The following SMYD3 variants were observed in gnomAD, a reference collection of about 807,000 sequenced individuals.
The protein encoded by SMYD3 is histone-lysine N-methyltransferase SMYD3.
In SMYD3, 36 loss-of-function variants were observed where a neutral mutation model predicts 57.7. The observed-to-expected ratio is 0.62, with a 90% CI of 0.48 to 0.82. SMYD3 has a LOEUF of 0.82. Among genes scored for constraint, SMYD3 ranks in the 40% least tolerant of loss-of-function variants. The probability of loss-of-function intolerance (pLI) is 0.00; values close to 1 mark genes in which losing one functional copy is unlikely to be tolerated. For synonymous variants in SMYD3, 211 were observed against 195.0 expected (o/e 1.08, Z -0.68); for missense variants, 515 against 538.8 (o/e 0.96, Z 0.44).
chr1:246,418,856 C>A (rs116744657), intron 1 of SMYD3, among the ~76,000 whole-genome samples: 9 of 152,136 alleles, frequency 5.9e-5, no homozygotes, highest in African/African-American at 2.2e-4. Context: ...GGTAAGCCAT[C>A]ATATCCCCCG....
chr1:245,845,840 T>C (rs547866344), intron 10 of SMYD3, among the ~76,000 whole-genome samples: 75 of 152,362 alleles, frequency 4.9e-4, no homozygotes, highest in African/African-American at 1.6e-3. Flanking sequence ...CTGAGTGGAA[T>C]AGTACAGTGG....
intron 5 of SMYD3, among the ~76,000 whole-genome samples, chr1:246,295,159 AG>A (rs1558383792): frequency 1.3e-5 from 2 of 152,096 alleles, no homozygotes; most frequent in Non-Finnish European, 2.9e-5. Context: ...TTCTAATAGC[AG>A]CACCAGAACC....
intron 10 of SMYD3, among the ~76,000 whole-genome samples, chr1:245,850,232 C>G (rs766924673): frequency 2.6e-5 from 4 of 152,158 alleles, no homozygotes; most frequent in Non-Finnish European, 5.9e-5. Flanking sequence ...TCCTGGGGCT[C>G]TCAGAAATGC....
At chr1:245,853,700 T>G (rs921444277) in intron 10 of SMYD3, among the ~76,000 whole-genome samples, 3 of 144,534 alleles carry the variant, frequency 2.1e-5, no homozygotes, top group African/African-American at 7.6e-5. Context: ...TCAACCTATC[T>G]TCCAAACCTT....
At chr1:246,372,279 GC>G (rs2066205776) in intron 1 of SMYD3, among the ~76,000 whole-genome samples, 1 of 152,176 alleles carries the variant, frequency 6.6e-6, no homozygotes, top group African/African-American at 2.4e-5. Flanking sequence ...CATGTTGTAT[GC>G]CCAAGAGAAG....
intron 11 of SMYD3, among the ~76,000 whole-genome samples, chr1:245,763,591 A>G (rs578146538): frequency 6.6e-6 from 1 of 152,104 alleles, no homozygotes; most frequent in South Asian, 2.1e-4. Flanking sequence ...AAAGGAAGAG[A>G]GGAAGGGCGG....
intron 10 of SMYD3, among the ~76,000 whole-genome samples, chr1:245,857,405 T>G (rs1297262970): frequency 1.8e-5 from 1 of 56,402 alleles, no homozygotes. Flanking sequence ...TGTTCTTATG[T>G]TGACCCTGGG....
chr1:246,102,967 C>T (rs183504213), intron 5 of SMYD3, among the ~76,000 whole-genome samples: 8 of 152,246 alleles, frequency 5.3e-5, no homozygotes, highest in Non-Finnish European at 1.0e-4. Flanking sequence ...AATTTTGCTA[C>T]GGCTCCTGTG....
rs74163421 is a variant in SMYD3 at position 246,245,120 on chromosome 1, C to CTTTTTTTTTTTTT, written c.531+82068_531+82080dup. Among the ~76,000 whole-genome samples the CTTTTTTTTTTTTT allele has an allele frequency of 3.4e-3, 412 of 122,748 alleles. 8 individuals are homozygous for CTTTTTTTTTTTTT. Among genetic ancestry groups the CTTTTTTTTTTTTT allele is most frequent in the African/African-American group, 0.012 (382 of 32,432 alleles). 80.5% of individuals were successfully genotyped at this position (122,748 alleles called of 152,430 possible). ...CCTAAAAGAATTCAGCAGCTACTGC[C>CTTTTTTTTTTTTT]TTTTTTTTTTTTTTTTTTTTTAGTT... On this transcript the variant is annotated intron_variant, in intron 5 of 11. Transcript: ENST00000490107.
chr1:245,924,501 C>T (rs1320209611), intron 7 of SMYD3, among the ~76,000 whole-genome samples: 1 of 152,090 alleles, frequency 6.6e-6, no homozygotes, highest in African/African-American at 2.4e-5. Flanking sequence ...TATCACAGAC[C>T]TTGTGCAATT....
chr1:245,910,531 A>G (rs2054894240), intron 8 of SMYD3, among the ~76,000 whole-genome samples: 1 of 152,112 alleles, frequency 6.6e-6, no homozygotes, highest in African/African-American at 2.4e-5. Context: ...AAAATGCTCT[A>G]TAAAATTACA....
chr1:245,892,210 T>C (rs2053431065), intron 8 of SMYD3, among the ~76,000 whole-genome samples: 1 of 152,116 alleles, frequency 6.6e-6, no homozygotes, highest in African/African-American at 2.4e-5. Context: ...ATTCAGAGAC[T>C]CTGATCAGCA....
chr1:245,944,894 C>T (rs1421437677), intron 5 of SMYD3, among the ~76,000 whole-genome samples: 1 of 152,072 alleles, frequency 6.6e-6, no homozygotes, highest in East Asian at 1.9e-4. Context: ...AGAAAGGATT[C>T]CTTATTTAAA....
chr1:246,063,522 CCCTT>C lies in SMYD3; in HGVS notation c.532-133589_532-133586del, dbSNP rs567093013. Among the ~76,000 whole-genome samples the C allele has an allele frequency of 5.3e-5, 8 of 151,324 alleles. No individual in the cohort carries two copies. In the South Asian group the frequency reaches 1.7e-3, roughly 32 times the overall value. Reference sequence around the variant, plus strand: ...GCCAAGGGCCAAACTTGTGGGCCTGCCCTTCCTTCCTTTCCTCCTTCCTTCCCTT... The same window carrying C: ...GCCAAGGGCCAAACTTGTGGGCCTGCCCTTCCTTTCCTCCTTCCTTCCCTT... On this transcript the variant is annotated intron_variant, in intron 5 of 11. Transcript: ENST00000490107.
rs547553441 is a variant in SMYD3 at position 246,427,107 on chromosome 1, A to G, written c.165-72013T>C. 3.6e-4 allele frequency among the ~76,000 whole-genome samples: 55 copies of G among 152,288 alleles called. 1 individual carries two copies. Among genetic ancestry groups the G allele is most frequent in the African/African-American group, 1.3e-3 (52 of 41,578 alleles). The stretch of plus-strand genomic sequence containing the variant: ...ATTCAGCCATCCAGGTATGTAAACA[A>G]AGAAGGAAAGAAGCTAGCTACAGAA... On this transcript the variant is annotated intron_variant, in intron 1 of 11. Coordinates refer to ENST00000490107, the MANE Select transcript of SMYD3 (RefSeq NM_001167740.2).
intron 1 of SMYD3, among the ~76,000 whole-genome samples, chr1:246,501,353 G>A (rs2068453396): frequency 6.6e-6 from 1 of 152,162 alleles, no homozygotes; most frequent in Non-Finnish European, 1.5e-5. Context: ...AACATTCTTA[G>A]TAACTTCATT....
At chr1:246,321,225 G>C (rs748214130) in intron 5 of SMYD3, among the ~76,000 whole-genome samples, 1 of 152,168 alleles carries the variant, frequency 6.6e-6, no homozygotes, top group Non-Finnish European at 1.5e-5. Flanking sequence ...GGCAGACTGC[G>C]CTCTTGGCTA....
At chr1:245,946,681 C>T (rs1039755103) in intron 5 of SMYD3, among the ~76,000 whole-genome samples, 1 of 152,052 alleles carries the variant, frequency 6.6e-6, no homozygotes, top group Non-Finnish European at 1.5e-5. Flanking sequence ...AGCTAAAGGT[C>T]GGGTCTGAAA....
At chr1:245,785,699 AAG>A (rs1436342758) in intron 10 of SMYD3, among the ~76,000 whole-genome samples, 10 of 151,608 alleles carry the variant, frequency 6.6e-5, no homozygotes, top group Non-Finnish European at 1.0e-4. Context: ...GAGAGAGAGC[AAG>A]AGAGAGCGAG....
Sources: gnomAD v4.1 joint callset for allele counts (sites outside exome capture counted in the v4.1 genomes callset) on GRCh38, gnomAD v4.1.1 for gene constraint, MANE v1.5 for transcripts, NCBI Gene and HGNC (gene_info 2026-07-23, HGNC 2026-07-21) for gene names.